Variants in YIPF6 observed in about 807,000 individuals in gnomAD.
YIPF6 encodes Yip1 domain family member 6.
Under a neutral mutation model 16.8 loss-of-function variants are expected in YIPF6, and 3 were observed. The observed-to-expected ratio is 0.18, with a 90% CI of 0.08 to 0.46. The LOEUF is 0.46. Among genes scored for constraint, YIPF6 ranks in the 20% least tolerant of loss-of-function variants. The pLI, the probability that YIPF6 is intolerant of heterozygous loss-of-function variation, is 0.98. For synonymous variants in YIPF6, 67 were observed against 61.9 expected (o/e 1.08, Z -0.38); for missense variants, 145 against 184.9 (o/e 0.78, Z 1.25).
At chrX:68,521,298 T>G (rs1197083501) in intron 4 of YIPF6, 74 bp from the exon 5 acceptor site, 2 of 1,135,429 alleles carry the variant, frequency 1.8e-6, no homozygotes, top group African/African-American at 3.6e-5. Context: ...GATTCAAAGT[T>G]TGAGAACCCA....
chrX:68,513,672 C>T (rs1275817389), intron 3 of YIPF6: 1 of 142,415 alleles, frequency 7.0e-6, no homozygotes, highest in African/African-American at 3.2e-5. Context: ...ACTGCAACCT[C>T]CGCCTCCTGT....
At chrX:68,503,811 C>G (rs1190290505) in intron 1 of YIPF6, among the ~76,000 whole-genome samples, 1 of 112,347 alleles carries the variant, frequency 8.9e-6, no homozygotes, top group African/African-American at 3.2e-5. Flanking sequence ...TTGGCACAAT[C>G]TCAGCTCACT....
At chrX:68,523,060 T>C in intron 6 of YIPF6, 143 bp downstream of exon 6, 1 of 674,755 alleles carries the variant, frequency 1.5e-6, no homozygotes. Flanking sequence ...CCCTCTTCCC[T>C]GAGTAGGCAA....
intron 4 of YIPF6, among the ~76,000 whole-genome samples, chrX:68,520,576 A>G (rs2079121735): frequency 9.0e-6 from 1 of 111,371 alleles, no homozygotes; most frequent in African/African-American, 3.3e-5. Context: ...GGCTCAAGCG[A>G]TTCTCCCAAC....
chrX:68,535,054 A>C lies in YIPF6; in HGVS notation c.*3055A>C, dbSNP rs2147829948. ...TTGATTCCAACATATCTGAATGTGC[A>C]GTAAAGTCTTAAAAGTCAACCGTTA... On this transcript the variant is annotated 3_prime_UTR_variant, in exon 7 of 7. Coordinates refer to ENST00000462683, the MANE Select transcript of YIPF6 (RefSeq NM_173834.4). 8.9e-6 allele frequency: 1 copy of C among 112,723 alleles called. No individual in the cohort carries two copies. Among genetic ancestry groups the C allele is most frequent in the African/African-American group, 3.2e-5 (1 of 31,108 alleles). 9.3% of individuals were successfully genotyped at this position (112,723 alleles called of 1,213,427 possible).
In YIPF6 at chrX:68,532,546, A is replaced by G. The variant is rs767401752; in HGVS notation, c.*547A>G. ...GGGTTCATACACGGAGAATGAGAAA[A>G]CATGCATTAACCAATATTCAGATTT... is the stretch of plus-strand genomic sequence containing the variant. On this transcript the variant is annotated 3_prime_UTR_variant, in exon 7 of 7. Coordinates refer to ENST00000462683, the MANE Select transcript of YIPF6 (RefSeq NM_173834.4). 2 of 107,769 alleles carry G rather than the reference A, an allele frequency of 1.9e-5. No individual in the cohort carries two copies. Among genetic ancestry groups the G allele is most frequent in the Admixed American group, 1.0e-4 (1 of 9,927 alleles). The allele number at this position is 107,769 out of a possible 1,213,427, so 8.9% of individuals were successfully genotyped here.
intron 6 of YIPF6, among the ~76,000 whole-genome samples, chrX:68,529,809 C>T (rs1390382038): frequency 2.7e-5 from 3 of 111,886 alleles, no homozygotes; most frequent in Non-Finnish European, 5.6e-5. Flanking sequence ...GCAGAGGCTG[C>T]AGAACAGCCA....
chrX:68,516,097 TG>T (rs1281812963), intron 3 of YIPF6, among the ~76,000 whole-genome samples: 3 of 111,478 alleles, frequency 2.7e-5, no homozygotes, highest in Non-Finnish European at 5.7e-5. Flanking sequence ...CACTCCAGCC[TG>T]GGTGAAAAGA....
chrX:68,520,535 G>T (rs111851284), intron 4 of YIPF6, among the ~76,000 whole-genome samples: 3,944 of 111,542 alleles, frequency 0.035, 180 homozygotes, highest in African/African-American at 0.12. Flanking sequence ...TTGGTGGTGT[G>T]ATTACAGCTC....
chrX:68,523,054 C>T (rs2079133420), intron 6 of YIPF6, 137 bp downstream of exon 6: 2 of 721,583 alleles, frequency 2.8e-6, no homozygotes, highest in East Asian at 7.4e-5. Flanking sequence ...ATAGAACCCT[C>T]TTCCCTGAGT....
chrX:68,522,959 A>C (rs2079133107), intron 6 of YIPF6, 42 bp downstream of exon 6: 1 of 1,196,719 alleles, frequency 8.4e-7, no homozygotes, highest in Non-Finnish European at 1.1e-6. Flanking sequence ...ACAGACAAAA[A>C]CATGATTTAA....
chrX:68,506,303 G>A (rs780045243), intron 1 of YIPF6, among the ~76,000 whole-genome samples: 1 of 109,518 alleles, frequency 9.1e-6, no homozygotes, highest in Non-Finnish European at 1.9e-5. Flanking sequence ...ATCTACTTAC[G>A]ATGAATCTTC....
chrX:68,533,440 CAT>C lies in YIPF6; in HGVS notation c.*1443_*1444del, dbSNP rs1271749005. 2 of 111,801 alleles carry C rather than the reference CAT, an allele frequency of 1.8e-5. No individual in the cohort carries two copies. The highest frequency in any genetic ancestry group is 1.9e-5 in the Non-Finnish European group (1 of 53,183). The allele number at this position is 111,801 out of a possible 1,213,427, so 9.2% of individuals were successfully genotyped here. A position where few individuals can be genotyped will look rare whatever the true frequency, so the allele number is the denominator to read the frequency against. ...TGTAAATATACTATTAGTTGATAAA[CAT>C]AGGACTTTCTTATTCCCCAGTTTTT... On this transcript the variant is annotated 3_prime_UTR_variant, in exon 7 of 7. Transcript: ENST00000462683.
At chrX:68,502,257 A>G (rs1183099774) in intron 1 of YIPF6, among the ~76,000 whole-genome samples, 1 of 111,954 alleles carries the variant, frequency 8.9e-6, no homozygotes, top group Non-Finnish European at 1.9e-5. Context: ...AAGGATCTGG[A>G]CAACAGCAGT....
chrX:68,506,447 C>T (rs2079060222), intron 1 of YIPF6, among the ~76,000 whole-genome samples: 1 of 110,398 alleles, frequency 9.1e-6, no homozygotes, highest in African/African-American at 3.3e-5. Flanking sequence ...TACCTGTAAT[C>T]CCAGCACTTT....
chrX:68,537,119 C>G lies in YIPF6; in HGVS notation c.*5120C>G, dbSNP rs972561470. The stretch of plus-strand genomic sequence containing the variant: ...CTGCACTGCGCTGCTCTTGTTTACT[C>G]TGTTCTTTCAGAGCCTTTGTACTTT... On this transcript the variant is annotated 3_prime_UTR_variant, in exon 7 of 7. Transcript: ENST00000462683. The G allele has an allele frequency of 3.6e-5, 4 of 112,256 alleles. No individual in the cohort carries two copies. Among genetic ancestry groups the G allele is most frequent in the African/African-American group, 1.3e-4 (4 of 30,910 alleles). 9.3% of individuals were successfully genotyped at this position (112,256 alleles called of 1,213,427 possible).
intron 2 of YIPF6, among the ~76,000 whole-genome samples, chrX:68,512,263 C>A (rs901424585): frequency 2.7e-5 from 3 of 110,424 alleles, no homozygotes; most frequent in African/African-American, 9.9e-5. Flanking sequence ...AGTTCGAGAC[C>A]AACCTGGCCC....
Position 68,499,054 on chromosome X carries a change from A to G in YIPF6, c.-13A>G, listed in dbSNP as rs772184909. 9.3e-6 allele frequency: 11 copies of G among 1,182,465 alleles called. No individual in the cohort carries two copies. The East Asian group carries it at 3.4e-4, about 37-fold the overall frequency. On this transcript the variant is annotated 5_prime_UTR_variant, in exon 1 of 7. Coordinates refer to ENST00000462683, the MANE Select transcript of YIPF6 (RefSeq NM_173834.4). Reference sequence around the variant, plus strand: ...AAGACCTGTGGGAGCGACCCGGGAGAAGGAGGGCCAAGATGGCGGAAGCGG... The same window carrying G: ...AAGACCTGTGGGAGCGACCCGGGAGGAGGAGGGCCAAGATGGCGGAAGCGG...
intron 1 of YIPF6, 57 bp from the exon 2 acceptor site, chrX:68,511,792 T>G (rs1349981307): frequency 2.6e-6 from 3 of 1,143,990 alleles, no homozygotes; most frequent in Non-Finnish European, 3.5e-6. Context: ...TGATGATATA[T>G]ATGAGGAATG....
Sources: gnomAD v4.1 joint callset for allele counts (sites outside exome capture counted in the v4.1 genomes callset) on GRCh38, gnomAD v4.1.1 for gene constraint, MANE v1.5 for transcripts, NCBI Gene and HGNC (gene_info 2026-07-23, HGNC 2026-07-21) for gene names.